GPR141: variants seen among roughly 807,000 people sequenced by gnomAD.
GPR141 encodes G protein-coupled receptor 141, also known as probable G protein-coupled receptor 141.
In GPR141, 6 loss-of-function variants were observed where a neutral mutation model predicts 6.8. That is an observed-to-expected ratio of 0.88 (90% CI 0.48 to 1.74). The LOEUF (loss-of-function observed/expected upper bound fraction) is 1.74. Among genes scored for constraint, GPR141 ranks in the 40% most tolerant of loss-of-function variants. GPR141 has a pLI of 0.01. For synonymous variants in GPR141, 140 were observed against 142.3 expected (o/e 0.98, Z 0.11); for missense variants, 372 against 372.9 (o/e 1.00, Z 0.02).
chr7:37,686,871 T>G (rs1473175151), intron 2 of GPR141, among the ~76,000 whole-genome samples: 4 of 152,090 alleles, frequency 2.6e-5, no homozygotes, highest in South Asian at 4.1e-4. Context: ...GAGAAATACT[T>G]TTTACAAGGT....
At chr7:37,715,511 GAGTGATTGTTCAGCATCC>G (rs1475365865) in intron 2 of GPR141, among the ~76,000 whole-genome samples, 1 of 152,122 alleles carries the variant, frequency 6.6e-6, no homozygotes, top group Non-Finnish European at 1.5e-5. Context: ...GATGTTTATG[GAGTGATTGTTCAGCATCC>G]AGTCTTACGC....
In GPR141 at chr7:37,740,989, T is replaced by C. The variant is rs1057377290; in HGVS notation, c.596T>C (p.Phe199Ser). The C allele has an allele frequency of 8.7e-6, 14 of 1,613,944 alleles. No individual in the cohort carries two copies. The highest frequency in any genetic ancestry group is 1.7e-5 in the Admixed American group (1 of 59,998). ...VIAVAVILLV[F>S]QVFIIMLMVQ... ...GCCGTTGCTGTGATTCTGTTGGTCTTCCAGGTCTTCATCATTATGTTGATG... is the reference window on the plus strand; with the variant it reads ...GCCGTTGCTGTGATTCTGTTGGTCTCCCAGGTCTTCATCATTATGTTGATG... The change falls in exon 3 of 3, where the codon TTC (phenylalanine) becomes TCC (serine). Residue 199 changes from phenylalanine (F) to serine (S), a missense_variant. By Grantham distance (155) the Phe-to-Ser change is radical. Transcript: ENST00000334425.
Position 37,743,259 on chromosome 7 carries a change from A to G in GPR141, c.*1948A>G, listed in dbSNP as rs1812657943. On this transcript the variant is annotated 3_prime_UTR_variant, in exon 3 of 3. Transcript: ENST00000334425. ...GTGGATCCACAAATTCCTCAGATGA[A>G]TAAGAAATACCTCTGTGAATTTCTG... Among the ~76,000 whole-genome samples, 1 of 152,134 alleles carries G rather than the reference A, an allele frequency of 6.6e-6. No individual in the cohort carries two copies. Among genetic ancestry groups the G allele is most frequent in the Non-Finnish European group, 1.5e-5 (1 of 68,022 alleles).
intron 2 of GPR141, among the ~76,000 whole-genome samples, chr7:37,728,218 C>T (rs1465189712): frequency 6.6e-6 from 1 of 152,156 alleles, no homozygotes; most frequent in Non-Finnish European, 1.5e-5. Context: ...TTTTCACGTA[C>T]CCATAGGTGT....
At chr7:37,703,260 AGTG>A (rs1810372631) in intron 2 of GPR141, among the ~76,000 whole-genome samples, 2 of 151,872 alleles carry the variant, frequency 1.3e-5, no homozygotes, top group South Asian at 4.2e-4. Flanking sequence ...GATTTTTTTT[AGTG>A]GTCTGTCTTC....
intron 2 of GPR141, among the ~76,000 whole-genome samples, chr7:37,695,864 G>T (rs1000608697): frequency 1.3e-5 from 2 of 152,062 alleles, no homozygotes; most frequent in African/African-American, 4.8e-5. Flanking sequence ...ACTGTGTGGC[G>T]GTGGAGGTTA....
chr7:37,733,805 A>T (rs1812103527), intron 2 of GPR141, among the ~76,000 whole-genome samples: 1 of 152,214 alleles, frequency 6.6e-6, no homozygotes, highest in Admixed American at 6.5e-5. Context: ...GGAATTTTGC[A>T]GCCAAAAGGT....
intron 2 of GPR141, among the ~76,000 whole-genome samples, chr7:37,719,120 C>G (rs922887838): frequency 2.0e-5 from 3 of 152,112 alleles, no homozygotes; most frequent in African/African-American, 7.2e-5. Flanking sequence ...TTAAAAATGT[C>G]CACACAGTTC....
chr7:37,686,428 T>C lies in GPR141; in HGVS notation c.-15+845T>C, dbSNP rs118051001. 8.5e-5 allele frequency among the ~76,000 whole-genome samples: 13 copies of C among 152,362 alleles called. No individual in the cohort carries two copies. In the East Asian group the frequency reaches 2.5e-3, roughly 29 times the overall value. On this transcript the variant is annotated intron_variant, in intron 2 of 2. Transcript: ENST00000334425. ...ATACCAAAGTATTTTCCAAATTATG[T>C]TATTGTCCCATCTTATTTTGAATGA...
intron 2 of GPR141, among the ~76,000 whole-genome samples, chr7:37,731,328 G>C (rs1811922712): frequency 6.6e-6 from 1 of 152,194 alleles, no homozygotes; most frequent in Non-Finnish European, 1.5e-5. Context: ...TCTGCTGGTC[G>C]GGCACTGGAT....
At chr7:37,716,520 G>A (rs1427954001) in intron 2 of GPR141, among the ~76,000 whole-genome samples, 1 of 152,130 alleles carries the variant, frequency 6.6e-6, no homozygotes, top group Non-Finnish European at 1.5e-5. Context: ...TAAAGATGAG[G>A]AGAGGTAATG....
intron 2 of GPR141, among the ~76,000 whole-genome samples, chr7:37,720,738 CAAA>C (rs543342332): frequency 2.4e-4 from 14 of 58,666 alleles, no homozygotes; most frequent in Admixed American, 1.8e-3. Flanking sequence ...GACTCCGTCT[CAAA>C]AAAAAAAAAA....
intron 2 of GPR141, among the ~76,000 whole-genome samples, chr7:37,697,810 C>T (rs963664271): frequency 5.3e-5 from 8 of 152,090 alleles, no homozygotes; most frequent in African/African-American, 1.2e-4. Context: ...GCTCTGGGCA[C>T]GAGGGATTTG....
intron 2 of GPR141, among the ~76,000 whole-genome samples, chr7:37,696,300 G>A (rs1040960615): frequency 6.6e-6 from 1 of 152,116 alleles, no homozygotes; most frequent in Non-Finnish European, 1.5e-5. Flanking sequence ...TGGTAGGTGA[G>A]GTATGTTAAA....
intron 2 of GPR141, among the ~76,000 whole-genome samples, chr7:37,706,630 G>A (rs1810536055): frequency 6.6e-6 from 1 of 152,012 alleles, no homozygotes; most frequent in African/African-American, 2.4e-5. Context: ...GCCAAACAAA[G>A]GCCACACTTG....
intron 2 of GPR141, among the ~76,000 whole-genome samples, chr7:37,734,728 A>C (rs62463303): frequency 0.33 from 50,631 of 152,050 alleles, 8,750 homozygotes; most frequent in Middle Eastern, 0.39. Flanking sequence ...CTTACCTAGT[A>C]TGGGAGTCAG....
chr7:37,732,026 GTTTT>G (rs779359821), intron 2 of GPR141, among the ~76,000 whole-genome samples: 4 of 110,758 alleles, frequency 3.6e-5, no homozygotes, highest in Non-Finnish European at 5.5e-5. Context: ...TTCTTTGTTT[GTTTT>G]TTTTATTTTT....
intron 2 of GPR141, among the ~76,000 whole-genome samples, chr7:37,728,016 A>G (rs1269883952): frequency 2.6e-5 from 4 of 152,198 alleles, no homozygotes. Flanking sequence ...TGTGCATCCA[A>G]GCCTTTGCCC....
intron 2 of GPR141, among the ~76,000 whole-genome samples, chr7:37,689,719 T>A (rs965106411): frequency 1.2e-4 from 18 of 152,142 alleles, no homozygotes; most frequent in Non-Finnish European, 1.8e-4. Context: ...TCCTTTTTTT[T>A]TAAAATTTCT....
Sources: allele counts gnomAD v4.1 joint callset (sites outside exome capture counted in the v4.1 genomes callset), GRCh38; gene constraint gnomAD v4.1.1; transcripts MANE v1.5; gene names NCBI Gene and HGNC (gene_info 2026-07-23, HGNC 2026-07-21).